KIF1A: variants seen among roughly 807,000 people sequenced by gnomAD.
The protein encoded by KIF1A is kinesin family member 1A.
Under a neutral mutation model 227.3 loss-of-function variants are expected in KIF1A, and 46 were observed. The ratio of observed to expected loss-of-function variants is 0.20; its 90% CI spans 0.16 to 0.26. KIF1A has a LOEUF of 0.26. KIF1A is among the 10% of genes least tolerant of loss of function. The pLI, the probability that KIF1A is intolerant of heterozygous loss-of-function variation, is 1.00. For synonymous variants in KIF1A, 1,022 were observed against 1,012.8 expected (o/e 1.01, Z -0.17); for missense variants, 1,683 against 2,485.9 (o/e 0.68, Z 6.87).
At chr2:240,797,198 C>T (rs1183065282) in intron 2 of KIF1A, among the ~76,000 whole-genome samples, 2 of 152,204 alleles carry the variant, frequency 1.3e-5, no homozygotes, top group Non-Finnish European at 2.9e-5. Context: ...ATATGGGTGT[C>T]CTTATAAGAA....
rs2044399888 is a variant in KIF1A, at chr2:240,714,109, T to G, written c.*3255A>C. 1 of 152,280 alleles carries G rather than the reference T, an allele frequency of 6.6e-6. No individual in the cohort carries two copies. Among genetic ancestry groups the G allele is most frequent in the Admixed American group, 6.5e-5 (1 of 15,292 alleles). 9.4% of individuals were successfully genotyped at this position (152,280 alleles called of 1,614,324 possible). A position where few individuals can be genotyped will look rare whatever the true frequency, so the allele number is the denominator to read the frequency against. On this transcript the variant is annotated 3_prime_UTR_variant, in exon 49 of 49. Transcript: ENST00000498729. ...GTGCCTTCCGTGGTCCCCACATGGG[T>G]GAGGCTGGCATAGGACCAGTGCAGC... is the stretch of plus-strand genomic sequence containing the variant.
rs142457401 is a variant in KIF1A at position 240,785,559 on chromosome 2, C to A, written c.609-459G>T. Among the ~76,000 whole-genome samples the A allele has an allele frequency of 8.0e-3, 1,215 of 152,290 alleles. 22 individuals are homozygous for A. The highest frequency in any genetic ancestry group is 0.028 in the African/African-American group (1,175 of 41,550). ...CGGCAGGGTCCTCCAGAACAGGAAGCCCAAGGCTGCTGAGGGTGGCCTGGA... is the reference window on the plus strand; with the variant it reads ...CGGCAGGGTCCTCCAGAACAGGAAGACCAAGGCTGCTGAGGGTGGCCTGGA... On this transcript the variant is annotated intron_variant, in intron 6 of 48. Coordinates refer to ENST00000498729, the MANE Select transcript of KIF1A (RefSeq NM_001244008.2).
chr2:240,815,411 G>A (rs1448762403), intron 1 of KIF1A, among the ~76,000 whole-genome samples: 1 of 152,082 alleles, frequency 6.6e-6, no homozygotes, highest in African/African-American at 2.4e-5. Flanking sequence ...AGCAGTCCGG[G>A]GCCATGCCTG....
chr2:240,777,658 C>T lies in KIF1A; in HGVS notation c.883-1732G>A, dbSNP rs1425472404. 5.9e-5 allele frequency among the ~76,000 whole-genome samples: 9 copies of T among 152,192 alleles called. No homozygotes were observed. The East Asian group carries it at 7.7e-4, about 13-fold the overall frequency. ...GTCACCAGCGCACATGGCCTGAGGA[C>T]GCACCCTTGGCTAAAGCAGACACTG... On this transcript the variant is annotated intron_variant, in intron 10 of 48. Coordinates refer to ENST00000498729, the MANE Select transcript of KIF1A (RefSeq NM_001244008.2).
intron 40 of KIF1A, chr2:240,724,475 C>T (rs2125612773): frequency 4.3e-6 from 1 of 234,036 alleles, no homozygotes; most frequent in South Asian, 5.5e-5. Flanking sequence ...TCGGTGGCAT[C>T]CCACAATTAC....
chr2:240,752,588 A>G lies in KIF1A; in HGVS notation c.2859-2041T>C, dbSNP rs1383930200. On this transcript the variant is annotated intron_variant, in intron 27 of 48. Transcript: ENST00000498729. This position sits in a 1 kb window ranked among gnomAD's most constrained non-coding sequence, Gnocchi z 6.4. ...AGAGCCAGAACTTGGGCCGCCAGAC[A>G]GCACGGCTCTTCCCCGTGGCTGGCG... Among the ~76,000 whole-genome samples the G allele has an allele frequency of 6.6e-6, 1 of 152,148 alleles. No individual in the cohort carries two copies. The highest frequency in any genetic ancestry group is 1.9e-4 in the East Asian group (1 of 5,168).
chr2:240,772,675 G>A (rs546508427), intron 13 of KIF1A, 79 bp from the exon 14 acceptor site: 69 of 1,190,026 alleles, frequency 5.8e-5, no homozygotes, highest in Middle Eastern at 1.9e-4. Flanking sequence ...GGTCAGGCAC[G>A]CCTTTCACAG....
intron 10 of KIF1A, among the ~76,000 whole-genome samples, chr2:240,779,006 CCAGTTCCACA>C (rs768233654): frequency 3.9e-5 from 6 of 152,178 alleles, no homozygotes; most frequent in African/African-American, 9.6e-5. Context: ...ATGTTCCCAC[CCAGTTCCACA>C]CAGTTCCACA....
At chr2:240,777,964 C>G (rs918821983) in intron 10 of KIF1A, among the ~76,000 whole-genome samples, 2 of 152,206 alleles carry the variant, frequency 1.3e-5, no homozygotes, top group Non-Finnish European at 2.9e-5. Context: ...ATGTCAGTCC[C>G]GCACGCTCAA....
At chr2:240,718,933 G>A (rs2044910557) in intron 47 of KIF1A, 73 bp downstream of exon 47, 4 of 1,252,128 alleles carry the variant, frequency 3.2e-6, no homozygotes, top group Non-Finnish European at 4.6e-6. Flanking sequence ...ACGCAGGGCT[G>A]CAGAGGATGG....
intron 38 of KIF1A, among the ~76,000 whole-genome samples, chr2:240,728,651 C>T (rs2046291321): frequency 6.6e-6 from 1 of 152,236 alleles, no homozygotes; most frequent in Non-Finnish European, 1.5e-5. Context: ...AGCCTTGCGT[C>T]TGTCCTCAGC....
At chr2:240,801,898 G>A (rs1268728937) in intron 1 of KIF1A, among the ~76,000 whole-genome samples, 1 of 152,104 alleles carries the variant, frequency 6.6e-6, no homozygotes, top group Non-Finnish European at 1.5e-5. Flanking sequence ...TGTATCAGCT[G>A]GAATGGACCA....
Position 240,736,179 on chromosome 2 carries a change from C to T in KIF1A, c.4007+884G>A, listed in dbSNP as rs1331633098. On this transcript the variant is annotated intron_variant, in intron 38 of 48. Transcript: ENST00000498729. This position sits in a 1 kb window ranked among gnomAD's most constrained non-coding sequence, Gnocchi z 4.7. ...CGCCAGGACCCTCCTTCCTTATGACCCTGACCCTCCTTGCAGGGAGGCCCT... is the reference window on the plus strand; with the variant it reads ...CGCCAGGACCCTCCTTCCTTATGACTCTGACCCTCCTTGCAGGGAGGCCCT... Among the ~76,000 whole-genome samples the T allele has an allele frequency of 6.6e-6, 1 of 152,126 alleles. No individual in the cohort carries two copies. The highest frequency in any genetic ancestry group is 1.5e-5 in the Non-Finnish European group (1 of 68,010).
chr2:240,780,705 A>G (rs113092496), intron 10 of KIF1A, among the ~76,000 whole-genome samples: 173 of 151,494 alleles, frequency 1.1e-3, no homozygotes, highest in African/African-American at 4.1e-3. Flanking sequence ...TCTGGTCCTC[A>G]CACAGGTTCT....
chr2:240,721,152 C>A (rs1225082752), intron 44 of KIF1A, 114 bp from the exon 45 acceptor site: 4 of 1,353,316 alleles, frequency 3.0e-6, no homozygotes, highest in African/African-American at 1.4e-5. Flanking sequence ...GGCACCCCAC[C>A]CCTCCTACCA....
At chr2:240,785,848 C>T (rs1019024477) in intron 6 of KIF1A, among the ~76,000 whole-genome samples, 7 of 152,172 alleles carry the variant, frequency 4.6e-5, no homozygotes, top group African/African-American at 1.4e-4. Flanking sequence ...CAGGAAGTCC[C>T]GGGTGGCAGA....
chr2:240,797,924 G>A (rs2056580962), intron 1 of KIF1A, 112 bp from the exon 2 acceptor site: 1 of 581,724 alleles, frequency 1.7e-6, no homozygotes, highest in African/African-American at 1.9e-5. Flanking sequence ...AGCTCCCAGT[G>A]TGATACATGC....
intron 17 of KIF1A, among the ~76,000 whole-genome samples, chr2:240,767,827 C>A (rs1241451625): frequency 6.6e-6 from 1 of 152,250 alleles, no homozygotes; most frequent in African/African-American, 2.4e-5. Flanking sequence ...CCAGTGGGAG[C>A]CAAGAGCCAA....
chr2:240,808,930 C>T (rs751529506), intron 1 of KIF1A, among the ~76,000 whole-genome samples: 15 of 151,930 alleles, frequency 9.9e-5, no homozygotes, highest in Non-Finnish European at 2.1e-4. Flanking sequence ...TGGGGTTTCA[C>T]TGTGTTGGCC....
Sources: allele counts gnomAD v4.1 joint callset (sites outside exome capture counted in the v4.1 genomes callset), GRCh38; gene constraint gnomAD v4.1.1; non-coding constraint Gnocchi (gnomAD v3.1); transcripts MANE v1.5; gene names NCBI Gene and HGNC (gene_info 2026-07-23, HGNC 2026-07-21).